The following HECTD4 variants were observed in gnomAD, a reference collection of about 807,000 sequenced individuals.
HECTD4 encodes HECT domain E3 ubiquitin protein ligase 4, also known as probable E3 ubiquitin-protein ligase HECTD4.
In HECTD4, 114 loss-of-function variants were observed where a neutral mutation model predicts 471.5. The observed-to-expected ratio is 0.24, with a 90% CI of 0.21 to 0.28. The LOEUF (loss-of-function observed/expected upper bound fraction) is 0.28. Among genes scored for constraint, HECTD4 ranks in the 10% least tolerant of loss-of-function variants. HECTD4 has a pLI of 1.00. For synonymous variants in HECTD4, 2,012 were observed against 2,256.0 expected (o/e 0.89, Z 3.07); for missense variants, 3,866 against 5,651.5 (o/e 0.68, Z 10.13).
intron 7 of HECTD4, among the ~76,000 whole-genome samples, chr12:112,297,364 A>G (rs1269825060): frequency 1.3e-5 from 2 of 150,314 alleles, no homozygotes; most frequent in African/African-American, 4.9e-5. Context: ...AGAAGGTGTA[A>G]GTTCAGTGGA....
At chr12:112,328,420 G>A (rs762670091) in intron 1 of HECTD4, among the ~76,000 whole-genome samples, 1 of 152,198 alleles carries the variant, frequency 6.6e-6, no homozygotes, top group African/African-American at 2.4e-5. Context: ...TTACAGGCAT[G>A]AGCCAGTATG....
intron 68 of HECTD4, chr12:112,170,654 A>G (rs760848882): frequency 3.6e-5 from 21 of 582,212 alleles, no homozygotes; most frequent in Non-Finnish European, 6.2e-5. Context: ...TCCAATTTCT[A>G]GAAACAATGC....
chr12:112,183,530 A>C (rs1015090495), intron 61 of HECTD4, among the ~76,000 whole-genome samples: 7 of 152,322 alleles, frequency 4.6e-5, no homozygotes, highest in Admixed American at 2.0e-4. Context: ...CCAGGGAGGA[A>C]AAATTCATGC....
intron 43 of HECTD4, 83 bp from the exon 44 acceptor site, chr12:112,226,841 A>C: frequency 1.0e-6 from 1 of 1,000,016 alleles, no homozygotes; most frequent in Non-Finnish European, 1.5e-6. Context: ...CATTTCAATC[A>C]ATTTTGCCCC....
rs546303893 is a variant in HECTD4 at position 112,200,861 on chromosome 12, G to A, written c.8407-63C>T. Reference sequence around the variant, plus strand: ...GCTTTTGTTTTCCATGTGTGCGTGCGTGCGTGTGTGTGTGCGTGCGTGCGT... The same window carrying A: ...GCTTTTGTTTTCCATGTGTGCGTGCATGCGTGTGTGTGTGCGTGCGTGCGT... On this transcript the variant is annotated intron_variant, in intron 54 of 75. Transcript: ENST00000682272. The A allele has an allele frequency of 1.3e-4, 186 of 1,460,786 alleles. No homozygotes were observed. The African/African-American group carries it at 1.9e-3, about 15-fold the overall frequency. The allele number at this position is 1,460,786 out of a possible 1,614,324, so 90.5% of individuals were successfully genotyped here.
Position 112,280,572 on chromosome 12 carries a change from CT to C in HECTD4, c.1529-1187del, listed in dbSNP as rs578027350. ...TTTGAATGCTTGTGCTTCTAAAAAG[CT>C]TTTTTTTTTTTAAGCTGCAAGCCCC... On this transcript the variant is annotated intron_variant, in intron 8 of 75. Coordinates refer to ENST00000682272, the MANE Select transcript of HECTD4 (RefSeq NM_001388303.1). 4.2e-3 allele frequency among the ~76,000 whole-genome samples: 589 copies of C among 140,396 alleles called. 1 individual carries two copies. Among genetic ancestry groups the C allele is most frequent in the Non-Finnish European group, 4.5e-3 (285 of 63,702 alleles). 92.1% of individuals were successfully genotyped at this position (140,396 alleles called of 152,430 possible).
chr12:112,210,245 T>G lies in HECTD4; in HGVS notation c.7637A>C (p.Lys2546Thr), dbSNP rs1404059239. 1 of 1,613,804 alleles carries G rather than the reference T, an allele frequency of 6.2e-7. No individual in the cohort carries two copies. The highest frequency in any genetic ancestry group is 1.7e-5 in the Admixed American group (1 of 60,026). Reference protein sequence around the residue: ...PVVHIQKKNTKTRANFGSRPF... With the variant: ...PVVHIQKKNTTTRANFGSRPF... ...CCGGGAGCCAAAGTTAGCTCGGGTT[T>G]TGGTGTTCTGGAAAGGAGACCAAAT... The change falls in exon 50 of 76, where the codon AAA becomes ACA. Residue 2546 changes from lysine to threonine, a missense_variant. Physicochemically the swap from Lys to Thr is moderately conservative, Grantham distance 78 (BLOSUM62 -1). Coordinates refer to ENST00000682272, the MANE Select transcript of HECTD4 (RefSeq NM_001388303.1).
chr12:112,270,506 T>C (rs776025708), intron 11 of HECTD4, 47 bp from the exon 12 acceptor site: 1 of 1,472,778 alleles, frequency 6.8e-7, no homozygotes, highest in Non-Finnish European at 9.5e-7. Flanking sequence ...TCTCTATGGG[T>C]GGTCCCCAAA....
At chr12:112,214,452 G>A (rs1270632294) in intron 48 of HECTD4, among the ~76,000 whole-genome samples, 1 of 152,174 alleles carries the variant, frequency 6.6e-6, no homozygotes, top group African/African-American at 2.4e-5. Context: ...GGCCAGAAGA[G>A]GGTCTAGCAG....
chr12:112,204,666 C>T, intron 52 of HECTD4, 43 bp from the exon 53 acceptor site: 3 of 1,510,318 alleles, frequency 2.0e-6, no homozygotes, highest in South Asian at 2.4e-5. Flanking sequence ...AAAGAGTACA[C>T]ACAGATCAAC....
Position 112,251,077 on chromosome 12 carries a change from G to A in HECTD4, c.3610C>T (p.Leu1204=), listed in dbSNP as rs2033873177. The change falls in exon 24 of 76, where the codon CTG becomes TTG. Residue 1204 remains leucine (L), a synonymous_variant. Transcript: ENST00000682272. ...LPFLVDLALG[L]SVLACSMLRI... ...AACATGGAACAAGCTAACACAGACA[G>A]ACCTAAAGCCAGGTCTACCAGAAAG... 6.2e-7 allele frequency: 1 copy of A among 1,613,866 alleles called. No homozygotes were observed. Among genetic ancestry groups the A allele is most frequent in the African/African-American group, 1.3e-5 (1 of 74,920 alleles).
At chr12:112,366,692 C>T (rs186919776) in intron 1 of HECTD4, among the ~76,000 whole-genome samples, 1 of 151,740 alleles carries the variant, frequency 6.6e-6, no homozygotes, top group Non-Finnish European at 1.5e-5. Flanking sequence ...ACCAGCCTGG[C>T]CAACATGGTG....
chr12:112,256,805 G>A (rs1207833810), intron 20 of HECTD4: 1 of 194,342 alleles, frequency 5.1e-6, no homozygotes, highest in South Asian at 1.9e-4. Flanking sequence ...TTTCAAGGGC[G>A]AAGCCCAGTT....
At chr12:112,369,256 G>A (rs763076919) in intron 1 of HECTD4, among the ~76,000 whole-genome samples, 9 of 151,996 alleles carry the variant, frequency 5.9e-5, no homozygotes, top group South Asian at 2.1e-4. Flanking sequence ...AGGGTTCAGC[G>A]TGCATTTCTA....
intron 1 of HECTD4, among the ~76,000 whole-genome samples, chr12:112,336,350 T>C (rs1191495496): frequency 6.6e-6 from 1 of 151,966 alleles, no homozygotes; most frequent in African/African-American, 2.4e-5. Context: ...GGTGAAACCC[T>C]GTCTCTACTA....
Position 112,163,033 on chromosome 12 carries a change from G to T in HECTD4, c.13120+9C>A. On this transcript the variant is annotated intron_variant, in intron 75 of 75. Coordinates refer to ENST00000682272, the MANE Select transcript of HECTD4 (RefSeq NM_001388303.1). The surrounding 1 kb of genome is among the most constrained non-coding windows in gnomAD (Gnocchi z 8.2). ...CCCTACTTGGGACATGGCCAGGGGA[G>T]GGCGGTACCTGCTGTGCCATCTGGG... 1 of 1,592,724 alleles carries T rather than the reference G, an allele frequency of 6.3e-7. No homozygotes were observed. Among genetic ancestry groups the T allele is most frequent in the Non-Finnish European group, 8.6e-7 (1 of 1,163,948 alleles).
At chr12:112,335,406 T>C (rs1261647204) in intron 1 of HECTD4, among the ~76,000 whole-genome samples, 8 of 152,050 alleles carry the variant, frequency 5.3e-5, no homozygotes. Context: ...GGGTGAAGGA[T>C]AAAAGACTAT....
intron 67 of HECTD4, 65 bp from the exon 68 acceptor site, chr12:112,171,328 C>T: frequency 6.5e-7 from 1 of 1,545,336 alleles, no homozygotes; most frequent in Non-Finnish European, 8.7e-7. Context: ...GACTCACAGG[C>T]AACACAGGCA....
intron 1 of HECTD4, among the ~76,000 whole-genome samples, chr12:112,369,216 G>A (rs1002749933): frequency 1.3e-5 from 2 of 152,176 alleles, no homozygotes; most frequent in Non-Finnish European, 2.9e-5. Context: ...GGATGGCACT[G>A]ACAGAAAACT....
Sources: gnomAD v4.1 joint callset for allele counts (sites outside exome capture counted in the v4.1 genomes callset) on GRCh38, gnomAD v4.1.1 for gene constraint, Gnocchi (gnomAD v3.1) non-coding constraint, MANE v1.5 for transcripts, NCBI Gene and HGNC (gene_info 2026-07-23, HGNC 2026-07-21) for gene names.